Variants in SUPT20H observed in about 807,000 individuals in gnomAD.
SUPT20H encodes SPT20 homolog, SAGA complex component, also known as transcription factor SPT20 homolog.
SUPT20H carries 82 observed loss-of-function variants against 122.8 expected under a neutral mutation model. The observed-to-expected ratio is 0.67, with a 90% CI of 0.56 to 0.80. The LOEUF (loss-of-function observed/expected upper bound fraction) is 0.80. SUPT20H is among the 30% of genes least tolerant of loss of function. SUPT20H has a pLI of 0.00. For synonymous variants in SUPT20H, 291 were observed against 313.0 expected, an observed-to-expected ratio of 0.93 and a Z score of 0.74; for missense variants, 831 against 921.6, an observed-to-expected ratio of 0.90 and a Z score of 1.27.
At position 37,021,480 on chromosome 13, in the gene SUPT20H, A is replaced by C; in HGVS notation, c.1784T>G (p.Leu595Arg). ...LPSGGLLPNALPSAMQAASQA... is the reference protein window; with the variant it reads ...LPSGGLLPNARPSAMQAASQA... ...AGAAGCTGCCTGCATTGCACTGGGC[A>C]GTGCATTTGGTAGCAGACCTCCTGA... The change falls in exon 21 of 26, where the codon CTG becomes CGG. Residue 595 changes from leucine (L) to arginine (R), a missense_variant. Coordinates refer to ENST00000350612, the MANE Select transcript of SUPT20H (RefSeq NM_001014286.3). The C allele has an allele frequency of 6.2e-7, 1 of 1,613,990 alleles. No homozygotes were observed. Among genetic ancestry groups the C allele is most frequent in the East Asian group, 2.2e-5 (1 of 44,874 alleles).
Position 37,022,463 on chromosome 13 carries a change from CAT to C in SUPT20H, c.1592-385_1592-384del, listed in dbSNP as rs541643117. 908 of 1,300,222 alleles carry C rather than the reference CAT, an allele frequency of 7.0e-4. No homozygotes were observed. The highest frequency in any genetic ancestry group is 8.5e-4 in the Non-Finnish European group (870 of 1,027,172). The allele number at this position is 1,300,222 out of a possible 1,614,324, so 80.5% of individuals were successfully genotyped here. ...TTAACTGCAAGTGTTAATTTCTACACATGATACATGAGTGTTGCTACACTCAA... is the reference window on the plus strand; with the variant it reads ...TTAACTGCAAGTGTTAATTTCTACACGATACATGAGTGTTGCTACACTCAA... On this transcript the variant is annotated intron_variant, in intron 19 of 25. Coordinates refer to ENST00000350612, the MANE Select transcript of SUPT20H (RefSeq NM_001014286.3). This position sits in a 1 kb window ranked among gnomAD's most constrained non-coding sequence, Gnocchi z 4.5.
chr13:37,026,751 A>G, intron 15 of SUPT20H, 39 bp downstream of exon 15: 1 of 1,195,332 alleles, frequency 8.4e-7, no homozygotes, highest in African/African-American at 1.6e-5. Flanking sequence ...ATATTTATGT[A>G]ATTTCTTAAC....
Position 37,017,336 on chromosome 13 carries a change from G to A in SUPT20H, c.1901C>T (p.Thr634Ile), listed in dbSNP as rs1341611753. The part of the protein sequence containing the change: ...QLPGGSLIFN[T>I]LQQQQQQLSQ... ...GAGCTGCTGTTGCTGCTGCTGCAGAGTGTTAAAAATAAGTGAACCACCTGG... is the reference window on the plus strand; with the variant it reads ...GAGCTGCTGTTGCTGCTGCTGCAGAATGTTAAAAATAAGTGAACCACCTGG... Residue 634 changes from threonine to isoleucine, a missense_variant, in exon 23 of 26, where the codon ACT becomes ATT. Physicochemically the swap from Thr to Ile is moderately conservative, Grantham distance 89. Coordinates refer to ENST00000350612, the MANE Select transcript of SUPT20H (RefSeq NM_001014286.3). The A allele has an allele frequency of 1.2e-6, 2 of 1,613,824 alleles. No individual in the cohort carries two copies. Among genetic ancestry groups the A allele is most frequent in the Middle Eastern group, 1.6e-4 (1 of 6,084 alleles).
At position 37,033,443 on chromosome 13, in the gene SUPT20H, A is replaced by G; in HGVS notation, c.707+6T>C. 6.2e-7 allele frequency: 1 copy of G among 1,609,140 alleles called. No individual in the cohort carries two copies. Among genetic ancestry groups the G allele is most frequent in the Non-Finnish European group, 8.5e-7 (1 of 1,177,908 alleles). On this transcript the variant is annotated splice_donor_region_variant and intron_variant, in intron 10 of 25. Coordinates refer to ENST00000350612, the MANE Select transcript of SUPT20H (RefSeq NM_001014286.3). ...TTTTGGTTCACCCTTCCACAAAGGCAATTACCGTTTCATTGGGCGAGTGTT... is the reference window on the plus strand; with the variant it reads ...TTTTGGTTCACCCTTCCACAAAGGCGATTACCGTTTCATTGGGCGAGTGTT...
chr13:37,031,779 G>C lies in SUPT20H; in HGVS notation c.824C>G (p.Ala275Gly). The C allele has an allele frequency of 6.2e-7, 1 of 1,608,708 alleles. No individual in the cohort carries two copies. The highest frequency in any genetic ancestry group is 8.5e-7 in the Non-Finnish European group (1 of 1,178,244). The change falls in exon 11 of 26, where the codon GCA becomes GGA. Residue 275 changes from alanine (A) to glycine (G), a missense_variant. Transcript: ENST00000350612. ...DFLQKRKERK[A>G]GQHYDLKISK... is the part of the protein sequence containing the mutation. ...AATTTTGAGGTCATAATGCTGACCT[G>C]CTTTTCTTTCCTTTCTTTTTTGTAA...
intron 10 of SUPT20H, among the ~76,000 whole-genome samples, chr13:37,032,358 T>C (rs1230089201): frequency 2.0e-5 from 3 of 152,114 alleles, no homozygotes; most frequent in African/African-American, 7.2e-5. Context: ...GGTACAGGCA[T>C]GTAAGACTCC....
chr13:37,022,447 A>T lies in SUPT20H; in HGVS notation c.1592-367T>A, dbSNP rs1452596622. 8 of 1,306,346 alleles carry T rather than the reference A, an allele frequency of 6.1e-6. No individual in the cohort carries two copies. Among genetic ancestry groups the T allele is most frequent in the Non-Finnish European group, 7.8e-6 (8 of 1,030,478 alleles). 80.9% of individuals were successfully genotyped at this position (1,306,346 alleles called of 1,614,324 possible). A position where few individuals can be genotyped will look rare whatever the true frequency, so the allele number is the denominator to read the frequency against. On this transcript the variant is annotated intron_variant, in intron 19 of 25. Transcript: ENST00000350612. This position sits in a 1 kb window ranked among gnomAD's most constrained non-coding sequence, Gnocchi z 4.5. ...TTTTTTTTTTTAGCAGTTAACTGCA[A>T]GTGTTAATTTCTACACATGATACAT...
chr13:37,034,994 A>G (rs1376982697), intron 9 of SUPT20H, among the ~76,000 whole-genome samples: 1 of 152,072 alleles, frequency 6.6e-6, no homozygotes, highest in Non-Finnish European at 1.5e-5. Context: ...TACTGCTCAG[A>G]AAAAAAAGAT....
chr13:37,009,864 A>C (rs2059280036), intron 25 of SUPT20H, 55 bp from the exon 26 acceptor site: 10 of 1,567,328 alleles, frequency 6.4e-6, no homozygotes, highest in Non-Finnish European at 8.6e-6. Context: ...AGGTGTAGAA[A>C]GGTGCTTTTC....
chr13:37,056,305 C>G (rs1298236509), intron 1 of SUPT20H, among the ~76,000 whole-genome samples: 2 of 152,162 alleles, frequency 1.3e-5, no homozygotes, highest in East Asian at 3.8e-4. Context: ...GCTATAAAGA[C>G]ACATGCACAC....
chr13:37,029,157 G>T (rs1055373591), intron 13 of SUPT20H, among the ~76,000 whole-genome samples: 1 of 152,072 alleles, frequency 6.6e-6, no homozygotes, highest in African/African-American at 2.4e-5. Flanking sequence ...AGCCTTAGAA[G>T]AATTTATTAA....
Position 37,044,091 on chromosome 13 carries a change from A to G in SUPT20H, c.383T>C (p.Leu128Pro). 18 of 1,611,346 alleles carry G rather than the reference A, an allele frequency of 1.1e-5. No individual in the cohort carries two copies. The highest frequency in any genetic ancestry group is 1.4e-5 in the Non-Finnish European group (17 of 1,178,704). Residue 128 changes from leucine (L) to proline (P), a missense_variant, in exon 7 of 26, where the codon CTA becomes CCA. Physicochemically the swap from Leu to Pro is moderately conservative, Grantham distance 98. Transcript: ENST00000350612. The part of the protein sequence containing the change: ...EELPPILVDL[L>P]EKSQVNIFHC... ...AAAATTTTGTACCTGAGATTTTTCT[A>G]GGAGATCAACCAAAATAGGAGGTAA...
chr13:37,010,273 CA>C (rs2059368095), intron 25 of SUPT20H, among the ~76,000 whole-genome samples: 1 of 152,130 alleles, frequency 6.6e-6, no homozygotes, highest in Non-Finnish European at 1.5e-5. Flanking sequence ...TTGGCACTTA[CA>C]ACTGTCTTTC....
intron 23 of SUPT20H, chr13:37,012,666 T>C (rs1485595054): frequency 1.9e-5 from 3 of 155,988 alleles, no homozygotes; most frequent in East Asian, 3.7e-4. Flanking sequence ...AAAAGGTATA[T>C]AGATTTTATA....
chr13:37,053,313 C>T lies in SUPT20H; in HGVS notation c.-93-1730G>A, dbSNP rs374046142. Among the ~76,000 whole-genome samples the T allele has an allele frequency of 3.3e-4, 50 of 152,140 alleles. 2 individuals carry two copies. The East Asian group carries it at 7.1e-3, about 22-fold the overall frequency. On this transcript the variant is annotated intron_variant, in intron 1 of 25. Transcript: ENST00000350612. The stretch of plus-strand genomic sequence containing the variant: ...GATAGACTGGATAAAGAAAGGGTGG[C>T]ACATATACACCATGGAATACTATGC...
chr13:37,035,955 C>T (rs1330489279), intron 9 of SUPT20H, among the ~76,000 whole-genome samples: 1 of 152,190 alleles, frequency 6.6e-6, no homozygotes, highest in Non-Finnish European at 1.5e-5. Context: ...AGAGGACTAA[C>T]TCCAATTCTG....
chr13:37,026,244 G>T lies in SUPT20H; in HGVS notation c.1179-8C>A. On this transcript the variant is annotated splice_region_variant and splice_polypyrimidine_tract_variant and intron_variant, in intron 15 of 25. Transcript: ENST00000350612. Reference sequence around the variant, plus strand: ...TTTGATCCAATAATGAACCTAAAATGTTTAAGGAAAAAAAAGGAGAGAAAA... The same window carrying T: ...TTTGATCCAATAATGAACCTAAAATTTTTAAGGAAAAAAAAGGAGAGAAAA... The T allele has an allele frequency of 6.7e-7, 1 of 1,488,842 alleles. No homozygotes were observed. The highest frequency in any genetic ancestry group is 8.9e-7 in the Non-Finnish European group (1 of 1,126,500). 92.2% of individuals were successfully genotyped at this position (1,488,842 alleles called of 1,614,324 possible).
chr13:37,016,800 T>C (rs1468044756), intron 23 of SUPT20H, among the ~76,000 whole-genome samples: 3 of 152,348 alleles, frequency 2.0e-5, no homozygotes, highest in Non-Finnish European at 2.9e-5. Flanking sequence ...GCAATTCTTA[T>C]TCAATTTCTT....
intron 6 of SUPT20H, among the ~76,000 whole-genome samples, chr13:37,044,543 A>T (rs1210270904): frequency 1.3e-5 from 2 of 152,168 alleles, no homozygotes; most frequent in South Asian, 4.1e-4. Flanking sequence ...GCCTTATCTG[A>T]AAAGTGGTCA....
Sources: allele counts gnomAD v4.1 joint callset (sites outside exome capture counted in the v4.1 genomes callset), GRCh38; gene constraint gnomAD v4.1.1; non-coding constraint Gnocchi (gnomAD v3.1); transcripts MANE v1.5; gene names NCBI Gene and HGNC (gene_info 2026-07-23, HGNC 2026-07-21).